Variants in MBOAT1 observed in about 807,000 individuals in gnomAD.
MBOAT1 encodes the protein membrane-bound glycerophospholipid O-acyltransferase 1.
MBOAT1 carries 67 observed loss-of-function variants against 64.4 expected under a neutral mutation model. The ratio of observed to expected loss-of-function variants is 1.04; its 90% CI spans 0.85 to 1.27. The LOEUF (loss-of-function observed/expected upper bound fraction) is 1.27, where lower values mean the gene tolerates loss of function less well. Ranked by LOEUF, MBOAT1 falls within the 50% of genes most tolerant of loss-of-function variation. The pLI, the probability that MBOAT1 is intolerant of heterozygous loss-of-function variation, is 0.00. For missense variants in MBOAT1, 563 were observed against 604.6 expected (o/e 0.93, Z 0.72); for synonymous variants, 229 against 218.9 (o/e 1.05, Z -0.41).
chr6:20,124,431 T>G lies in MBOAT1; in HGVS notation c.884A>C (p.Lys295Thr). ...LYVVMQASKP[K>T]YYFAWTLADA... ...ACCTAATGTCCATGCAAAGTAATAC[T>G]TGGGCTTTGAGGCTTGCATGACAAC... Residue 295 changes from lysine to threonine, a missense_variant, in exon 8 of 13, where the codon AAG (lysine) becomes ACG (threonine). Coordinates refer to ENST00000324607, the MANE Select transcript of MBOAT1 (RefSeq NM_001080480.3). The G allele has an allele frequency of 6.2e-7, 1 of 1,614,162 alleles. No individual in the cohort carries two copies. The highest frequency in any genetic ancestry group is 2.2e-5 in the East Asian group (1 of 44,882).
At chr6:20,108,697 A>G (rs541438401) in intron 12 of MBOAT1, among the ~76,000 whole-genome samples, 23 of 152,384 alleles carry the variant, frequency 1.5e-4, no homozygotes, top group African/African-American at 5.0e-4. Flanking sequence ...TTAACCTAGA[A>G]AAGCCTGTGC....
intron 10 of MBOAT1, among the ~76,000 whole-genome samples, chr6:20,113,221 C>T (rs1760225328): frequency 6.6e-6 from 1 of 152,176 alleles, no homozygotes; most frequent in Non-Finnish European, 1.5e-5. Flanking sequence ...CACAGTTCAG[C>T]CTTTTGAGGG....
chr6:20,175,928 T>C (rs1396437196), intron 1 of MBOAT1, among the ~76,000 whole-genome samples: 1 of 152,198 alleles, frequency 6.6e-6, no homozygotes. Context: ...TTAAAAAATA[T>C]ATATACTTTT....
At chr6:20,183,143 A>G (rs956530124) in intron 1 of MBOAT1, among the ~76,000 whole-genome samples, 2 of 152,148 alleles carry the variant, frequency 1.3e-5, no homozygotes, top group Admixed American at 1.3e-4. Flanking sequence ...TCCCTCACTC[A>G]AGGCACCTGG....
At chr6:20,139,048 T>G (rs1761088503) in intron 4 of MBOAT1, among the ~76,000 whole-genome samples, 2 of 152,166 alleles carry the variant, frequency 1.3e-5, no homozygotes, top group Non-Finnish European at 2.9e-5. Flanking sequence ...CCTCATGGCT[T>G]TCTTACCAGG....
At chr6:20,115,251 G>C (rs1442592954) in intron 10 of MBOAT1, 37 bp downstream of exon 10, 8 of 1,511,702 alleles carry the variant, frequency 5.3e-6, no homozygotes, top group Non-Finnish European at 9.2e-7. Flanking sequence ...ACATATCCCA[G>C]TGCCCTAAGT....
chr6:20,118,535 C>A lies in MBOAT1; in HGVS notation c.913G>T (p.Ala305Ser), dbSNP rs750124687. 1.2e-6 allele frequency: 2 copies of A among 1,613,044 alleles called. No individual in the cohort carries two copies. The highest frequency in any genetic ancestry group is 1.6e-4 in the Middle Eastern group (1 of 6,062). The change falls in exon 9 of 13, where the codon GCA (alanine) becomes TCA (serine). Residue 305 changes from alanine (A) to serine (S), a missense_variant. By Grantham distance (99) the Ala-to-Ser change is moderately conservative (BLOSUM62 1). Coordinates refer to ENST00000324607, the MANE Select transcript of MBOAT1 (RefSeq NM_001080480.3). Reference protein sequence around the residue: ...KYYFAWTLADAVNNAAGFGFS... With the variant: ...KYYFAWTLADSVNNAAGFGFS... ...CCAAAGCCAGCTGCGTTATTCACTG[C>A]ATCAGCTATGGTTTTTAAAGTAACA...
rs144383025 is a variant in MBOAT1, at chr6:20,184,050, C to T, written c.99+28086G>A. Among the ~76,000 whole-genome samples the T allele has an allele frequency of 1.7e-3, 260 of 152,270 alleles. 1 individual carries two copies. The highest frequency in any genetic ancestry group is 5.2e-3 in the African/African-American group (218 of 41,544). ...CTCCCCCTGTGTCCCTCACATAACA[C>T]GTGGGAATTCTGGGAAACACAATTC... On this transcript the variant is annotated intron_variant, in intron 1 of 12. Transcript: ENST00000324607.
rs1022686250 is a variant in MBOAT1 at position 20,146,404 on chromosome 6, C to A, written c.324-2089G>T. The stretch of plus-strand genomic sequence containing the variant: ...TGTGCTCTTTACCATTATTTGCAAA[C>A]AAAGAAGTTACTATGCAGAAAAGAT... On this transcript the variant is annotated intron_variant, in intron 3 of 12. Coordinates refer to ENST00000324607, the MANE Select transcript of MBOAT1 (RefSeq NM_001080480.3). Among the ~76,000 whole-genome samples the A allele has an allele frequency of 1.3e-4, 20 of 152,278 alleles. 1 individual carries two copies. The South Asian group carries it at 3.7e-3, about 28-fold the overall frequency.
chr6:20,136,113 T>C (rs1329192891), intron 4 of MBOAT1, among the ~76,000 whole-genome samples: 1 of 152,164 alleles, frequency 6.6e-6, no homozygotes, highest in Non-Finnish European at 1.5e-5. Flanking sequence ...TTATCAATTA[T>C]GTCAGCATGA....
chr6:20,182,694 T>C (rs914906809), intron 1 of MBOAT1, among the ~76,000 whole-genome samples: 2 of 152,140 alleles, frequency 1.3e-5, no homozygotes, highest in African/African-American at 4.8e-5. Flanking sequence ...GCCAAACCCC[T>C]GTGACACCGT....
chr6:20,118,557 A>G lies in MBOAT1; in HGVS notation c.908-17T>C, dbSNP rs1325672715. 1 of 1,596,874 alleles carries G rather than the reference A, an allele frequency of 6.3e-7. No individual in the cohort carries two copies. The highest frequency in any genetic ancestry group is 8.6e-7 in the Non-Finnish European group (1 of 1,165,884). ...CTGCATCAGCTATGGTTTTTAAAGT[A>G]ACACATTAGGATATGGAACAAAAGT... On this transcript the variant is annotated splice_polypyrimidine_tract_variant and intron_variant, in intron 8 of 12. Coordinates refer to ENST00000324607, the MANE Select transcript of MBOAT1 (RefSeq NM_001080480.3).
chr6:20,139,221 G>A (rs1761094115), intron 4 of MBOAT1, among the ~76,000 whole-genome samples: 1 of 152,132 alleles, frequency 6.6e-6, no homozygotes. Context: ...CACCTCCTGG[G>A]TTCAGGCGAT....
chr6:20,119,980 C>T (rs1396337317), intron 8 of MBOAT1, among the ~76,000 whole-genome samples: 1 of 132,690 alleles, frequency 7.5e-6, no homozygotes, highest in Non-Finnish European at 1.6e-5. Flanking sequence ...ATAATGATAA[C>T]TATCTTTTCT....
chr6:20,164,324 A>G (rs987353900), intron 1 of MBOAT1, among the ~76,000 whole-genome samples: 1 of 152,048 alleles, frequency 6.6e-6, no homozygotes, highest in African/African-American at 2.4e-5. Flanking sequence ...CAAATAAGAG[A>G]CTTACAAGGT....
At chr6:20,134,902 CTTTTTTTTT>C (rs3057688) in intron 4 of MBOAT1, among the ~76,000 whole-genome samples, 3 of 104,730 alleles carry the variant, frequency 2.9e-5, no homozygotes, top group East Asian at 2.8e-4. Flanking sequence ...AATTCATGTT[CTTTTTTTTT>C]TTTTTTTTTT....
At chr6:20,176,753 A>G (rs1217888166) in intron 1 of MBOAT1, among the ~76,000 whole-genome samples, 2 of 152,100 alleles carry the variant, frequency 1.3e-5, no homozygotes, top group African/African-American at 4.8e-5. Context: ...CCTCCCTAGC[A>G]GCTGGGATTA....
chr6:20,208,605 C>T (rs1027773713), intron 1 of MBOAT1, among the ~76,000 whole-genome samples: 2 of 152,050 alleles, frequency 1.3e-5, no homozygotes, highest in African/African-American at 2.4e-5. Context: ...CCTAAACCTT[C>T]GCTGTTTTAA....
At chr6:20,168,559 AAGAGAAAGAGAGAG>A (rs71538776) in intron 1 of MBOAT1, among the ~76,000 whole-genome samples, 3 of 122,890 alleles carry the variant, frequency 2.4e-5, no homozygotes, top group Non-Finnish European at 5.1e-5. Context: ...GAAACAGAGA[AAGAGAAAGAGAGAG>A]AGAGAAAGAG....
Sources: allele counts gnomAD v4.1 joint callset (sites outside exome capture counted in the v4.1 genomes callset), GRCh38; gene constraint gnomAD v4.1.1; transcripts MANE v1.5; gene names NCBI Gene and HGNC (gene_info 2026-07-23, HGNC 2026-07-21).